PPAN: variants seen among roughly 807,000 people sequenced by gnomAD.
PPAN encodes suppressor of SWI4 1 homolog.
PPAN carries 39 observed loss-of-function variants against 48.5 expected under a neutral mutation model. That is an observed-to-expected ratio of 0.80 (90% CI 0.62 to 1.05). The LOEUF (loss-of-function observed/expected upper bound fraction) is 1.05, where lower values mean the gene tolerates loss of function less well. Among genes scored for constraint, PPAN ranks in the 50% least tolerant of loss-of-function variants. PPAN has a pLI of 0.00. For synonymous variants in PPAN, 315 were observed against 268.6 expected, an observed-to-expected ratio of 1.17 and a Z score of -1.69; for missense variants, 736 against 661.7, an observed-to-expected ratio of 1.11 and a Z score of -1.23.
intron 5 of PPAN, 88 bp downstream of exon 5, chr19:10,108,222 C>T: frequency 1.3e-6 from 2 of 1,508,234 alleles, no homozygotes; most frequent in Middle Eastern, 2.3e-4. Flanking sequence ...TCACTCCTCC[C>T]AGCGCTGAGA....
chr19:10,111,478 C>T lies in PPAN; in HGVS notation c.*313C>T. 4.8e-6 allele frequency: 3 copies of T among 621,960 alleles called. No homozygotes were observed. In the South Asian group the frequency reaches 5.8e-5, roughly 12 times the overall value. 38.5% of individuals were successfully genotyped at this position (621,960 alleles called of 1,614,324 possible). On this transcript the variant is annotated 3_prime_UTR_variant, in exon 12 of 12. Coordinates refer to ENST00000253107, the MANE Select transcript of PPAN (RefSeq NM_020230.7). ...CAGCAGCAGCCATGAGTGGCCCCTCCCCCCAGTCCCACCAAAGAGCCGTGC... is the reference window on the plus strand; with the variant it reads ...CAGCAGCAGCCATGAGTGGCCCCTCTCCCCAGTCCCACCAAAGAGCCGTGC...
In PPAN at chr19:10,107,959, T is replaced by A; in HGVS notation, c.343-5T>A. 3 of 1,605,660 alleles carry A rather than the reference T, an allele frequency of 1.9e-6. No homozygotes were observed. The highest frequency in any genetic ancestry group is 2.6e-6 in the Non-Finnish European group (3 of 1,174,444). On this transcript the variant is annotated splice_polypyrimidine_tract_variant and splice_region_variant and intron_variant, in intron 4 of 11. Transcript: ENST00000253107. ...GGTCACCCCCTCCTCTCTCCTGTCC[T>A]ACAGTACTCGCTGGTGCGTGATGTG... is the stretch of plus-strand genomic sequence containing the variant.
chr19:10,110,552 G>GCAGAGGCAGGCC lies in PPAN; in HGVS notation c.973_984dup (p.Arg325_Gln328dup). On this transcript the variant is annotated inframe_insertion, in exon 10 of 12. Coordinates refer to ENST00000253107, the MANE Select transcript of PPAN (RefSeq NM_020230.7). The surrounding 1 kb of genome is among the most constrained non-coding windows in gnomAD (Gnocchi z 5.9). ...AGGAGAAGAAGCTGCGGCTGAAGGC[G>GCAGAGGCAGGCC]CAGAGGCAGGCCCAGCAGGCCCAGA... 1 of 1,608,332 alleles carries GCAGAGGCAGGCC rather than the reference G, an allele frequency of 6.2e-7. No homozygotes were observed. Among genetic ancestry groups the GCAGAGGCAGGCC allele is most frequent in the Non-Finnish European group, 8.5e-7 (1 of 1,178,138 alleles).
rs1235051642 is a variant in PPAN, at chr19:10,110,740, A to G, written c.1075A>G (p.Ser359Gly). ...CATGAAGAAGGCACGGGTCGGGGGT[A>G]GTGATGAAGAGGCCTCTGGGATCCC... ...EGMKKARVGG[S>G]DEEASGIPSR... Residue 359 changes from serine (S) to glycine (G), a missense_variant, in exon 11 of 12, where the codon AGT (serine) becomes GGT (glycine). Transcript: ENST00000253107. The surrounding 1 kb of genome is among the most constrained non-coding windows in gnomAD (Gnocchi z 5.9). 15 of 1,613,752 alleles carry G rather than the reference A, an allele frequency of 9.3e-6. No homozygotes were observed. The highest frequency in any genetic ancestry group is 4.0e-5 in the African/African-American group (3 of 74,888).
upstream of PPAN, chr19:10,106,288 G>A: frequency 6.6e-7 from 1 of 1,521,180 alleles, no homozygotes; most frequent in Non-Finnish European, 8.8e-7. Context: ...CTAGTGCGCA[G>A]GCCCGCCTGA....
rs981185127 is a variant in PPAN, at chr19:10,108,115, C to T, written c.494C>T (p.Pro165Leu). Residue 165 changes from proline (P) to leucine (L), a missense_variant, in exon 5 of 12, where the codon CCC (proline) becomes CTC (leucine). Pro to Leu is a moderately conservative substitution (Grantham distance 98). Transcript: ENST00000253107. ...LMATMFQNLF[P>L]SINVHKVNLN... ...GCCACCATGTTCCAGAACCTGTTCC[C>T]CTCCATCAACGTGCACAAGGTGGGT... The T allele has an allele frequency of 5.0e-6, 8 of 1,611,710 alleles. No individual in the cohort carries two copies. The African/African-American group carries it at 8.0e-5, about 16-fold the overall frequency.
chr19:10,110,978 C>T lies in PPAN; in HGVS notation c.1235C>T (p.Ala412Val), dbSNP rs760052705. Residue 412 changes from alanine to valine, a missense_variant, in exon 12 of 12, where the codon GCC (alanine) becomes GTC (valine). Physicochemically the swap from Ala to Val is moderately conservative, Grantham distance 64. Transcript: ENST00000253107. This position sits in a 1 kb window ranked among gnomAD's most constrained non-coding sequence, Gnocchi z 5.9. ...LFPEAKQKRLAKSPGRKRKRW... is the reference protein window; with the variant it reads ...LFPEAKQKRLVKSPGRKRKRW... ...CCCGAGGCCAAGCAGAAACGGCTTG[C>T]CAAGTCTCCAGGGCGGAAGCGGAAG... The T allele has an allele frequency of 1.9e-6, 3 of 1,612,970 alleles. No homozygotes were observed. The African/African-American group carries it at 4.0e-5, about 22-fold the overall frequency.
rs1305242706 is a variant in PPAN at position 10,110,704 on chromosome 19, A to T, written c.1039A>T (p.Ser347Cys). 6.2e-7 allele frequency: 1 copy of T among 1,613,392 alleles called. No homozygotes were observed. The highest frequency in any genetic ancestry group is 1.3e-5 in the African/African-American group (1 of 74,910). ...QEQREAHRKK[S>C]LEGMKKARVG... is the part of the protein sequence containing the mutation. ...CCCCACGCCCTCCTCCAGAAAGAAG[A>T]GCCTGGAGGGCATGAAGAAGGCACG... Residue 347 changes from serine to cysteine, a missense_variant, in exon 11 of 12, where the codon AGC (serine) becomes TGC (cysteine). Physicochemically the swap from Ser to Cys is moderately radical, Grantham distance 112. Transcript: ENST00000253107. This position sits in a 1 kb window ranked among gnomAD's most constrained non-coding sequence, Gnocchi z 5.9.
rs2089065953 is a variant in PPAN at position 10,111,340 on chromosome 19, C to T, written c.*175C>T. The T allele has an allele frequency of 9.5e-6, 8 of 844,602 alleles. No homozygotes were observed. Among genetic ancestry groups the T allele is most frequent in the Non-Finnish European group, 1.2e-5 (7 of 561,444 alleles). 52.3% of individuals were successfully genotyped at this position (844,602 alleles called of 1,614,324 possible). The stretch of plus-strand genomic sequence containing the variant: ...TGGGATGGGGGATTCTGGAGCCATA[C>T]AAAGCAACCCAGAGAGTCCTGGGCC... On this transcript the variant is annotated 3_prime_UTR_variant, in exon 12 of 12. Transcript: ENST00000253107.
At position 10,107,857 on chromosome 19, in the gene PPAN, G is replaced by GA; in HGVS notation, c.342+4dup. On this transcript the variant is annotated splice_donor_region_variant and intron_variant, in intron 4 of 11. Coordinates refer to ENST00000253107, the MANE Select transcript of PPAN (RefSeq NM_020230.7). ...CCTTGACCTTCCAGGTCAAGAAGGTGAGAGGGGTGGAGGTGGTACAAAGCC... is the reference window on the plus strand; with the variant it reads ...CCTTGACCTTCCAGGTCAAGAAGGTGAAGAGGGGTGGAGGTGGTACAAAGCC... 6.2e-7 allele frequency: 1 copy of GA among 1,613,410 alleles called. No individual in the cohort carries two copies. The highest frequency in any genetic ancestry group is 1.1e-5 in the South Asian group (1 of 91,048).
chr19:10,106,716 G>A, intron 2 of PPAN, 45 bp downstream of exon 2: 2 of 1,494,556 alleles, frequency 1.3e-6, no homozygotes, highest in Non-Finnish European at 1.8e-6. Flanking sequence ...CCTCGGCCTA[G>A]TCTTCGTAGC....
rs1425493508 is a variant in PPAN at position 10,110,100 on chromosome 19, G to C, written c.699-23G>C. ...CCGGGAGCCTGAGCTCCCCCACTGAGCCCTGTTATGTCCTACACACAGGGG... is the reference window on the plus strand; with the variant it reads ...CCGGGAGCCTGAGCTCCCCCACTGACCCCTGTTATGTCCTACACACAGGGG... On this transcript the variant is annotated intron_variant, in intron 7 of 11. Transcript: ENST00000253107. This position sits in a 1 kb window ranked among gnomAD's most constrained non-coding sequence, Gnocchi z 5.9. 2 of 1,610,176 alleles carry C rather than the reference G, an allele frequency of 1.2e-6. No homozygotes were observed. The highest frequency in any genetic ancestry group is 4.5e-5 in the East Asian group (2 of 44,816).
rs1468898415 is a variant in PPAN, at chr19:10,110,557, G to GGCAGGCCCA, written c.985_993dup (p.Gln329_Gln331dup). Reference sequence around the variant, plus strand: ...AAGAAGCTGCGGCTGAAGGCGCAGAGGCAGGCCCAGCAGGCCCAGAATGTG... The same window carrying GGCAGGCCCA: ...AAGAAGCTGCGGCTGAAGGCGCAGAGGCAGGCCCAGCAGGCCCAGCAGGCCCAGAATGTG... On this transcript the variant is annotated inframe_insertion, in exon 10 of 12. Transcript: ENST00000253107. The surrounding 1 kb of genome is among the most constrained non-coding windows in gnomAD (Gnocchi z 5.9). 1.9e-6 allele frequency: 3 copies of GGCAGGCCCA among 1,607,530 alleles called. No homozygotes were observed. Among genetic ancestry groups the GGCAGGCCCA allele is most frequent in the Non-Finnish European group, 2.5e-6 (3 of 1,177,938 alleles).
chr19:10,111,114 G>A lies in PPAN; in HGVS notation c.1371G>A (p.Arg457=), dbSNP rs747554910. ...GGCGGGGGCCCAGAGGGGCTTCCCG[G>A]GATGGTGGGCGAGGCCGGGGCCGGG... ...QARRGPRGAS[R]DGGRGRGRGR... The change falls in exon 12 of 12, where the codon CGG becomes CGA. Residue 457 remains arginine, a synonymous_variant. Coordinates refer to ENST00000253107, the MANE Select transcript of PPAN (RefSeq NM_020230.7). 1.2e-6 allele frequency: 2 copies of A among 1,610,268 alleles called. No homozygotes were observed. The highest frequency in any genetic ancestry group is 2.2e-5 in the East Asian group (1 of 44,794).
At chr19:10,109,786 T>C in intron 6 of PPAN, 79 bp downstream of exon 6, 6 of 1,587,582 alleles carry the variant, frequency 3.8e-6, no homozygotes, top group Non-Finnish European at 5.2e-6. Flanking sequence ...GCACTTCTGC[T>C]GAGACGCTGT....
rs1487363112 is a variant in PPAN at position 10,111,440 on chromosome 19, G to T, written c.*275G>T. The T allele has an allele frequency of 9.6e-6, 6 of 626,174 alleles. No homozygotes were observed. In the South Asian group the frequency reaches 1.2e-4, roughly 12 times the overall value. The allele number at this position is 626,174 out of a possible 1,614,324, so 38.8% of individuals were successfully genotyped here. ...CTCTCCCCTACCCTGCACGGGGTTG[G>T]TTTCATTGGTGGCAGCAGCAGCCAT... On this transcript the variant is annotated 3_prime_UTR_variant, in exon 12 of 12. Transcript: ENST00000253107.
At position 10,110,274 on chromosome 19, in the gene PPAN, G is replaced by C; in HGVS notation, c.822+28G>C. Reference sequence around the variant, plus strand: ...GAGGCCCAGGGCAGGGGGACCCCCGGGCTCCACCAGTCCCAACGGTGGGCT... The same window carrying C: ...GAGGCCCAGGGCAGGGGGACCCCCGCGCTCCACCAGTCCCAACGGTGGGCT... On this transcript the variant is annotated intron_variant, in intron 8 of 11. Coordinates refer to ENST00000253107, the MANE Select transcript of PPAN (RefSeq NM_020230.7). The surrounding 1 kb of genome is among the most constrained non-coding windows in gnomAD (Gnocchi z 5.9). 6.2e-7 allele frequency: 1 copy of C among 1,612,662 alleles called. No individual in the cohort carries two copies. Among genetic ancestry groups the C allele is most frequent in the Non-Finnish European group, 8.5e-7 (1 of 1,179,660 alleles).
chr19:10,109,585 C>G, intron 5 of PPAN, 46 bp from the exon 6 acceptor site: 1 of 1,568,854 alleles, frequency 6.4e-7, no homozygotes, highest in Non-Finnish European at 8.7e-7. Flanking sequence ...CTTCCCCAAA[C>G]TTTGCCATGA....
rs1568486683 is a variant in PPAN, at chr19:10,110,823, CAT to C, written c.1159_1160del (p.Ile387ArgfsTer13). On this transcript the variant is annotated frameshift_variant, in exon 11 of 12. Transcript: ENST00000253107. LOFTEE classifies it low-confidence loss of function (END_TRUNC). This position sits in a 1 kb window ranked among gnomAD's most constrained non-coding sequence, Gnocchi z 5.9. The part of the protein sequence containing the change: ...EDDDEQEDDD[I>X]EYFCQAVGEA... ...ACGATGATGAACAGGAAGATGATGA[CAT>C]CGAGTATTTCTGCCAGGCGGTGGGC... 2.5e-6 allele frequency: 4 copies of C among 1,614,058 alleles called. No individual in the cohort carries two copies. Among genetic ancestry groups the C allele is most frequent in the Non-Finnish European group, 3.4e-6 (4 of 1,180,008 alleles).
Sources: allele counts gnomAD v4.1 joint callset, GRCh38; gene constraint gnomAD v4.1.1; non-coding constraint Gnocchi (gnomAD v3.1); transcripts MANE v1.5; gene names NCBI Gene and HGNC (gene_info 2026-07-23, HGNC 2026-07-21).